The following RSU1 variants were observed in gnomAD, a reference collection of about 807,000 sequenced individuals.
RSU1 encodes the protein rsu-1.
RSU1 carries 26 observed loss-of-function variants against 31.1 expected under a neutral mutation model. That is an observed-to-expected ratio of 0.84 (90% CI 0.61 to 1.16). The LOEUF is 1.16. Ranked by LOEUF, RSU1 falls within the 50% of genes most tolerant of loss-of-function variation. The probability of loss-of-function intolerance (pLI) is 0.00; values close to 1 mark genes in which losing one functional copy is unlikely to be tolerated. For missense variants in RSU1, 320 were observed against 339.1 expected (o/e 0.94, Z 0.44); for synonymous variants, 164 against 136.3 (o/e 1.20, Z -1.41).
At chr10:16,603,326 G>C (rs906995942) in intron 8 of RSU1, among the ~76,000 whole-genome samples, 1 of 152,208 alleles carries the variant, frequency 6.6e-6, no homozygotes, top group Non-Finnish European at 1.5e-5. Context: ...TGCCCCACTG[G>C]AGGGGAGAAA....
intron 2 of RSU1, among the ~76,000 whole-genome samples, chr10:16,788,150 G>T (rs550441553): frequency 2.0e-5 from 3 of 152,190 alleles, no homozygotes; most frequent in African/African-American, 7.2e-5. Flanking sequence ...ATTCATAGAT[G>T]TATCAGTTAA....
chr10:16,744,825 C>T (rs1836817898), intron 7 of RSU1, among the ~76,000 whole-genome samples: 1 of 152,138 alleles, frequency 6.6e-6, no homozygotes, highest in South Asian at 2.1e-4. Flanking sequence ...TGTCTTTTGT[C>T]CACCCTGAGT....
At chr10:16,710,349 G>A (rs1337991362) in intron 7 of RSU1, among the ~76,000 whole-genome samples, 2 of 152,192 alleles carry the variant, frequency 1.3e-5, no homozygotes, top group Non-Finnish European at 2.9e-5. Flanking sequence ...ACACTGGTAT[G>A]AGTAATACTT....
chr10:16,694,501 C>G (rs1835633370), intron 8 of RSU1, among the ~76,000 whole-genome samples: 1 of 152,126 alleles, frequency 6.6e-6, no homozygotes. Flanking sequence ...TAAAGAAAAT[C>G]AGTAAAAATC....
At chr10:16,658,589 T>C (rs1422577778) in intron 8 of RSU1, among the ~76,000 whole-genome samples, 2 of 152,056 alleles carry the variant, frequency 1.3e-5, no homozygotes, top group Non-Finnish European at 2.9e-5. Context: ...CCGAGCGTGG[T>C]GGCAGGCACC....
At chr10:16,705,358 C>A (rs1407118162) in intron 7 of RSU1, among the ~76,000 whole-genome samples, 1 of 152,088 alleles carries the variant, frequency 6.6e-6, no homozygotes, top group Non-Finnish European at 1.5e-5. Context: ...TATACACATC[C>A]TCTGTATGTT....
At chr10:16,696,990 GT>G (rs1161134463) in intron 7 of RSU1, among the ~76,000 whole-genome samples, 4 of 151,704 alleles carry the variant, frequency 2.6e-5, no homozygotes, top group South Asian at 2.1e-4. Flanking sequence ...TTCCTTCATG[GT>G]TTTTTTCTCT....
At chr10:16,693,052 T>C (rs1295259609) in intron 8 of RSU1, among the ~76,000 whole-genome samples, 1 of 152,178 alleles carries the variant, frequency 6.6e-6, no homozygotes, top group Non-Finnish European at 1.5e-5. Context: ...AACCTCTGCC[T>C]CCCTGGCTCA....
intron 4 of RSU1, among the ~76,000 whole-genome samples, chr10:16,756,111 T>C (rs1271158845): frequency 6.6e-6 from 1 of 152,148 alleles, no homozygotes; most frequent in Non-Finnish European, 1.5e-5. Context: ...GGAGGGAAAA[T>C]CATGTTTTTG....
intron 8 of RSU1, among the ~76,000 whole-genome samples, chr10:16,627,762 CAAA>C (rs74962434): frequency 2.5e-4 from 17 of 67,550 alleles, no homozygotes; most frequent in Non-Finnish European, 4.3e-4. Context: ...CATCTCAATA[CAAA>C]AAAAAAAAAA....
chr10:16,808,173 A>G (rs1442409791), intron 2 of RSU1, among the ~76,000 whole-genome samples: 1 of 151,892 alleles, frequency 6.6e-6, no homozygotes, highest in African/African-American at 2.4e-5. Flanking sequence ...CAAACCTTTC[A>G]GACACACTCA....
At chr10:16,743,858 G>A (rs772218394) in intron 7 of RSU1, among the ~76,000 whole-genome samples, 1 of 152,084 alleles carries the variant, frequency 6.6e-6, no homozygotes. Context: ...TTAGCCAGGT[G>A]GGTGGCTGAT....
chr10:16,790,560 C>A (rs1837890757), intron 2 of RSU1, among the ~76,000 whole-genome samples: 1 of 152,136 alleles, frequency 6.6e-6, no homozygotes, highest in African/African-American at 2.4e-5. Context: ...CTACACAACT[C>A]ACGGGTGATG....
At chr10:16,684,882 G>A (rs1419179472) in intron 8 of RSU1, among the ~76,000 whole-genome samples, 1 of 152,142 alleles carries the variant, frequency 6.6e-6, no homozygotes, top group Non-Finnish European at 1.5e-5. Flanking sequence ...TTTCCAAATA[G>A]ACACTACCTA....
chr10:16,595,132 G>A (rs1398692573), intron 8 of RSU1, among the ~76,000 whole-genome samples: 2 of 152,088 alleles, frequency 1.3e-5, no homozygotes, highest in African/African-American at 4.8e-5. Context: ...GCCCAGGCTG[G>A]TGTTACACTC....
At chr10:16,645,862 G>GTA (rs1260845672) in intron 8 of RSU1, among the ~76,000 whole-genome samples, 1 of 122,034 alleles carries the variant, frequency 8.2e-6, no homozygotes, top group Non-Finnish European at 1.6e-5. Flanking sequence ...AAATATATAC[G>GTA]TATATATACA....
intron 2 of RSU1, among the ~76,000 whole-genome samples, chr10:16,801,987 A>C (rs1188130221): frequency 6.6e-6 from 1 of 152,050 alleles, no homozygotes; most frequent in Non-Finnish European, 1.5e-5. Context: ...GCACCAACCT[A>C]ATAAAATCAA....
chr10:16,678,053 A>G (rs1272718837), intron 8 of RSU1, among the ~76,000 whole-genome samples: 1 of 152,150 alleles, frequency 6.6e-6, no homozygotes, highest in Non-Finnish European at 1.5e-5. Flanking sequence ...ATCCTTTAAG[A>G]CACAATCAAT....
chr10:16,812,593 T>C (rs866817786), intron 2 of RSU1, among the ~76,000 whole-genome samples: 13 of 152,302 alleles, frequency 8.5e-5, no homozygotes, highest in Middle Eastern at 3.4e-3. Context: ...TTGAGATAGC[T>C]CTTCCAGATA....
Sources: gnomAD v4.1 joint callset for allele counts (sites outside exome capture counted in the v4.1 genomes callset) on GRCh38, gnomAD v4.1.1 for gene constraint, MANE v1.5 for transcripts, NCBI Gene and HGNC (gene_info 2026-07-23, HGNC 2026-07-21) for gene names.